SLC8A1: variants seen among roughly 807,000 people sequenced by gnomAD.
SLC8A1 encodes solute carrier family 8 member A1.
Under a neutral mutation model 68.3 loss-of-function variants are expected in SLC8A1, and 18 were observed. The ratio of observed to expected loss-of-function variants is 0.26; its 90% CI spans 0.18 to 0.39. SLC8A1 has a LOEUF of 0.39. Among genes scored for constraint, SLC8A1 ranks in the 10% least tolerant of loss-of-function variants. The pLI is 1.00. For synonymous variants in SLC8A1, 475 were observed against 415.5 expected (o/e 1.14, Z -1.74); for missense variants, 985 against 1,156.7 (o/e 0.85, Z 2.15).
intron 2 of SLC8A1, among the ~76,000 whole-genome samples, chr2:40,180,203 C>A (rs2049219373): frequency 6.9e-6 from 1 of 144,532 alleles, no homozygotes; most frequent in Non-Finnish European, 1.5e-5. Flanking sequence ...TCCTTCCTGA[C>A]TTTTAGAATT....
chr2:40,160,377 G>C (rs2045455262), intron 6 of SLC8A1, among the ~76,000 whole-genome samples: 1 of 152,162 alleles, frequency 6.6e-6, no homozygotes, highest in African/African-American at 2.4e-5. Context: ...AAGTGTCTTA[G>C]TGTCTTCCCT....
intron 2 of SLC8A1, among the ~76,000 whole-genome samples, chr2:40,271,535 C>A (rs984379426): frequency 6.6e-6 from 1 of 152,166 alleles, no homozygotes; most frequent in East Asian, 1.9e-4. Context: ...CTTACCACGA[C>A]CTGACATTAC....
intron 2 of SLC8A1, among the ~76,000 whole-genome samples, chr2:40,237,195 C>A (rs1436628674): frequency 7.2e-5 from 11 of 152,226 alleles, no homozygotes; most frequent in South Asian, 2.1e-4. Context: ...TATCCTGCAG[C>A]TTGTTTTCCA....
At chr2:40,493,253 C>T (rs960300064) in intron 1 of SLC8A1, among the ~76,000 whole-genome samples, 1 of 150,056 alleles carries the variant, frequency 6.7e-6, no homozygotes, top group African/African-American at 2.5e-5. Flanking sequence ...GAACAAAAAA[C>T]CAAACACCGC....
intron 2 of SLC8A1, among the ~76,000 whole-genome samples, chr2:40,336,404 T>C (rs996912144): frequency 1.3e-5 from 2 of 152,222 alleles, no homozygotes; most frequent in African/African-American, 4.8e-5. Context: ...CAATTCATCA[T>C]AATGTCCACT....
intron 4 of SLC8A1, among the ~76,000 whole-genome samples, chr2:40,173,854 A>G (rs577000150): frequency 2.0e-5 from 3 of 152,314 alleles, no homozygotes; most frequent in South Asian, 2.1e-4. Flanking sequence ...TACTGTTTAA[A>G]TATTTATCTC....
At chr2:40,503,519 T>TA (rs1706178914) in intron 1 of SLC8A1, among the ~76,000 whole-genome samples, 9 of 151,958 alleles carry the variant, frequency 5.9e-5, no homozygotes, top group Non-Finnish European at 1.0e-4. Flanking sequence ...AGTCAAACTG[T>TA]CCTTGTTTGC....
intron 2 of SLC8A1, among the ~76,000 whole-genome samples, chr2:40,362,009 C>G (rs1674779520): frequency 7.1e-6 from 1 of 141,180 alleles, no homozygotes; most frequent in Admixed American, 7.7e-5. Flanking sequence ...ATTCTCCTGA[C>G]TCAACCTCCT....
chr2:40,129,313 C>T (rs2038838291), intron 7 of SLC8A1, among the ~76,000 whole-genome samples: 1 of 151,840 alleles, frequency 6.6e-6, no homozygotes. Flanking sequence ...TCACTGCAGC[C>T]TTGGCCTCCT....
chr2:40,391,284 G>T (rs2149599926), intron 2 of SLC8A1, among the ~76,000 whole-genome samples: 1 of 151,938 alleles, frequency 6.6e-6, no homozygotes, highest in East Asian at 1.9e-4. Context: ...AGACTTTGAA[G>T]AAAAGCAGTT....
chr2:40,320,320 C>T (rs2075038720), intron 2 of SLC8A1, among the ~76,000 whole-genome samples: 1 of 152,044 alleles, frequency 6.6e-6, no homozygotes, highest in African/African-American at 2.4e-5. Context: ...AGCCAGGGAA[C>T]AGGGGTCAAC....
chr2:40,488,578 A>G (rs1031160907), intron 1 of SLC8A1, among the ~76,000 whole-genome samples: 3 of 152,118 alleles, frequency 2.0e-5, no homozygotes, highest in Non-Finnish European at 4.4e-5. Context: ...GCTTTTGAGC[A>G]AAACCAACTC....
At chr2:40,304,129 G>C (rs1423950808) in intron 2 of SLC8A1, among the ~76,000 whole-genome samples, 1 of 152,198 alleles carries the variant, frequency 6.6e-6, no homozygotes, top group Non-Finnish European at 1.5e-5. Flanking sequence ...CTTTAATAAT[G>C]TGATAATATT....
chr2:40,241,029 C>T (rs2061152998), intron 2 of SLC8A1, among the ~76,000 whole-genome samples: 1 of 152,130 alleles, frequency 6.6e-6, no homozygotes, highest in Admixed American at 6.6e-5. Context: ...AATCATTCTA[C>T]CAAAAAGGCA....
Position 40,419,216 on chromosome 2 carries a change from C to T in SLC8A1, c.1808+9257G>A, listed in dbSNP as rs1694781180. On this transcript the variant is annotated intron_variant, in intron 2 of 7. Transcript: ENST00000406785. ...AGGAATCAATGAATAGGGCCCAGCCCTTCTGGATTCCACCGGCTACTTCTG... is the reference window on the plus strand; with the variant it reads ...AGGAATCAATGAATAGGGCCCAGCCTTTCTGGATTCCACCGGCTACTTCTG... Among the ~76,000 whole-genome samples, 9 of 152,310 alleles carry T rather than the reference C, an allele frequency of 5.9e-5. No individual in the cohort carries two copies. In the South Asian group the frequency reaches 1.9e-3, roughly 32 times the overall value.
At chr2:40,486,408 C>A (rs1371931873) in intron 1 of SLC8A1, among the ~76,000 whole-genome samples, 1 of 152,148 alleles carries the variant, frequency 6.6e-6, no homozygotes, top group East Asian at 1.9e-4. Context: ...ATATCAAACA[C>A]AGTAGAACTT....
intron 2 of SLC8A1, among the ~76,000 whole-genome samples, chr2:40,320,455 G>A (rs923490973): frequency 2.0e-5 from 3 of 152,060 alleles, no homozygotes; most frequent in African/African-American, 7.2e-5. Context: ...TGAGTTGTGT[G>A]TGTTTCATGT....
chr2:40,373,915 G>A (rs947714415), intron 2 of SLC8A1, among the ~76,000 whole-genome samples: 2 of 152,062 alleles, frequency 1.3e-5, no homozygotes, highest in African/African-American at 2.4e-5. Flanking sequence ...CCAAACAAGT[G>A]TGCATAAAAT....
intron 2 of SLC8A1, among the ~76,000 whole-genome samples, chr2:40,196,190 A>C (rs1558703855): frequency 1.3e-5 from 2 of 152,036 alleles, no homozygotes; most frequent in Non-Finnish European, 2.9e-5. Context: ...AGGAAGGACA[A>C]GGAAAAATTT....
Sources: allele counts gnomAD v4.1 joint callset (sites outside exome capture counted in the v4.1 genomes callset), GRCh38; gene constraint gnomAD v4.1.1; transcripts MANE v1.5; gene names NCBI Gene and HGNC (gene_info 2026-07-23, HGNC 2026-07-21).